The following RBM26 variants were observed in gnomAD, a reference collection of about 807,000 sequenced individuals.
RBM26 encodes the protein RNA binding motif protein 26, also known as RNA-binding protein 26.
Under a neutral mutation model 123.6 loss-of-function variants are expected in RBM26, and 30 were observed. That is an observed-to-expected ratio of 0.24 (90% CI 0.18 to 0.33). The LOEUF is 0.33. RBM26 is among the 10% of genes least tolerant of loss of function. The pLI is 1.00. For synonymous variants in RBM26, 400 were observed against 404.4 expected, an observed-to-expected ratio of 0.99 and a Z score of 0.13; for missense variants, 947 against 1,203.6, an observed-to-expected ratio of 0.79 and a Z score of 3.15.
chr13:79,389,736 T>G (rs759834587), intron 1 of RBM26: 1 of 152,206 alleles, frequency 6.6e-6, no homozygotes, highest in Non-Finnish European at 1.5e-5. Context: ...GGATTTTGCT[T>G]TTCAAGTCAA....
rs372255386 is a variant in RBM26, at chr13:79,378,835, C to T, written c.144G>A (p.Glu48=). The T allele has an allele frequency of 1.2e-6, 2 of 1,612,940 alleles. No individual in the cohort carries two copies. The highest frequency in any genetic ancestry group is 8.5e-7 in the Non-Finnish European group (1 of 1,179,026). Residue 48 remains glutamate, a synonymous_variant, in exon 2 of 22, where the codon GAG becomes GAA. Coordinates refer to ENST00000438737, the MANE Select transcript of RBM26 (RefSeq NM_001366735.2). ...GCTGATCAATACATAATGCCTTTAA[C>T]TCTTTTTCACTTTTGTCTTTCTTTA... ...ALVKKDKSEK[E]LKALCIDQLD...
In RBM26 at chr13:79,355,357, C is replaced by A. The variant is rs1157124199; in HGVS notation, c.1717G>T (p.Ala573Ser). 1.2e-6 allele frequency: 2 copies of A among 1,613,698 alleles called. No homozygotes were observed. The highest frequency in any genetic ancestry group is 1.7e-6 in the Non-Finnish European group (2 of 1,179,756). ...TCGTATGTTGCAAATTGGATTAGGG[C>A]ACCTTCAGGATCACCATTATAAGCA... ...QVAYNGDPEG[A>S]LIQFATYEEA... is the part of the protein sequence containing the mutation. Residue 573 changes from alanine to serine, a missense_variant, in exon 12 of 22, where the codon GCC (alanine) becomes TCC (serine). Around this residue, in one of 5 missense-constraint regions of RBM26, gnomAD observed 493 missense variants for 563.1 expected, o/e 0.88. Coordinates refer to ENST00000438737, the MANE Select transcript of RBM26 (RefSeq NM_001366735.2).
chr13:79,350,369 T>A (rs2073053202), intron 14 of RBM26, among the ~76,000 whole-genome samples: 1 of 152,182 alleles, frequency 6.6e-6, no homozygotes, highest in Non-Finnish European at 1.5e-5. Context: ...CAAGATAATT[T>A]GAACGGTCTT....
At chr13:79,344,394 T>C (rs949853716) in intron 15 of RBM26, 72 bp from the exon 16 acceptor site, 38 of 1,172,094 alleles carry the variant, frequency 3.2e-5, no homozygotes, top group East Asian at 2.3e-4. Flanking sequence ...AGAAGAGAAA[T>C]AGTTGTAACT....
chr13:79,397,616 A>G (rs1477836742), intron 1 of RBM26, among the ~76,000 whole-genome samples: 1 of 128,806 alleles, frequency 7.8e-6, no homozygotes, highest in East Asian at 2.6e-4. Flanking sequence ...CGGGAGGTGG[A>G]GGCTGCAGTG....
In RBM26 at chr13:79,358,390, C is replaced by T; in HGVS notation, c.1573G>A (p.Val525Ile). 6.2e-7 allele frequency: 1 copy of T among 1,611,418 alleles called. No homozygotes were observed. The highest frequency in any genetic ancestry group is 1.1e-5 in the South Asian group (1 of 90,144). The change falls in exon 11 of 22, where the codon GTT (valine) becomes ATT (isoleucine). Residue 525 changes from valine (V) to isoleucine (I), a missense_variant. By Grantham distance (29) the Val-to-Ile change is conservative. Transcript: ENST00000438737. ...TTGGTATTTTCATTTCCAAATTGAA[C>T]CTTCTTCTGAAAGCCTGGGCTGTTT... ...RTNSPGFQKK[V>I]QFGNENTKLE...
intron 3 of RBM26, among the ~76,000 whole-genome samples, chr13:79,374,237 G>A (rs1013952866): frequency 2.0e-5 from 3 of 152,148 alleles, no homozygotes; most frequent in Non-Finnish European, 4.4e-5. Flanking sequence ...TAAAGGCAGA[G>A]GTGGGTGGAT....
intron 1 of RBM26, among the ~76,000 whole-genome samples, chr13:79,392,288 AATAT>A (rs1053574826): frequency 1.4e-5 from 2 of 138,400 alleles, no homozygotes; most frequent in African/African-American, 5.3e-5. Flanking sequence ...TTATATATAA[AATAT>A]ATAATTAATT....
At chr13:79,318,756 T>A, downstream of RBM26, 3 of 979,762 alleles carry the variant, frequency 3.1e-6, no homozygotes, top group African/African-American at 5.2e-5. Context: ...CTAATCAAAT[T>A]ATAAAGCCAA....
At chr13:79,373,369 A>G (rs2076218959) in intron 3 of RBM26, among the ~76,000 whole-genome samples, 1 of 103,972 alleles carries the variant, frequency 9.6e-6, no homozygotes, top group South Asian at 2.5e-4. Flanking sequence ...ATAAATATAT[A>G]ATATATATTA....
At chr13:79,342,554 G>A (rs905168113) in intron 17 of RBM26, 110 bp downstream of exon 17, 3 of 810,872 alleles carry the variant, frequency 3.7e-6, no homozygotes, top group African/African-American at 1.8e-5. Flanking sequence ...TACATACAAT[G>A]GTCAGATTTT....
intron 6 of RBM26, among the ~76,000 whole-genome samples, chr13:79,368,313 G>A (rs921703253): frequency 1.8e-4 from 27 of 152,052 alleles, no homozygotes; most frequent in Non-Finnish European, 2.5e-4. Context: ...GGCGTGAGCC[G>A]CTGCGCCCAG....
At chr13:79,404,647 G>C (rs558295063) in intron 1 of RBM26, among the ~76,000 whole-genome samples, 17 of 152,170 alleles carry the variant, frequency 1.1e-4, no homozygotes, top group Admixed American at 8.5e-4. Context: ...CCTTTCATTT[G>C]CTCTTCCTTT....
chr13:79,404,794 C>A (rs1444230936), intron 1 of RBM26, among the ~76,000 whole-genome samples: 1 of 152,314 alleles, frequency 6.6e-6, no homozygotes, highest in East Asian at 1.9e-4. Flanking sequence ...TTACATGATT[C>A]TCTATTATTA....
rs1021158889 is a variant in RBM26 at position 79,405,882 on chromosome 13, G to T, written c.-108C>A. Reference sequence around the variant, plus strand: ...TCCGCGCGCCGCCCGCGTGGGCCGCGGTGGGAGGCGCCGGTGGCAGGTTCC... The same window carrying T: ...TCCGCGCGCCGCCCGCGTGGGCCGCTGTGGGAGGCGCCGGTGGCAGGTTCC... On this transcript the variant is annotated 5_prime_UTR_variant, in exon 1 of 22. Coordinates refer to ENST00000438737, the MANE Select transcript of RBM26 (RefSeq NM_001366735.2). 5.6e-6 allele frequency: 3 copies of T among 531,006 alleles called. No homozygotes were observed. Among genetic ancestry groups the T allele is most frequent in the East Asian group, 7.9e-5 (2 of 25,398 alleles). The allele number at this position is 531,006 out of a possible 1,614,324, so 32.9% of individuals were successfully genotyped here.
chr13:79,339,618 G>A lies in RBM26; in HGVS notation c.2532+1505C>T, dbSNP rs546936553. Among the ~76,000 whole-genome samples, 6 of 152,092 alleles carry A rather than the reference G, an allele frequency of 3.9e-5. No individual in the cohort carries two copies. The South Asian group carries it at 8.3e-4, about 21-fold the overall frequency. On this transcript the variant is annotated intron_variant, in intron 18 of 21. Coordinates refer to ENST00000438737, the MANE Select transcript of RBM26 (RefSeq NM_001366735.2). ...ATATTAGTAATAGAACAGTATATAC[G>A]GAAGTATGCTCTGAGGAATATTAAT...
At chr13:79,338,080 G>A (rs1344760250) in intron 18 of RBM26, among the ~76,000 whole-genome samples, 3 of 151,996 alleles carry the variant, frequency 2.0e-5, no homozygotes, top group Non-Finnish European at 2.9e-5. Context: ...TTAGCCAGGC[G>A]TAGTGCCTGT....
At chr13:79,372,356 T>C (rs931024067) in intron 3 of RBM26, among the ~76,000 whole-genome samples, 2 of 152,152 alleles carry the variant, frequency 1.3e-5, no homozygotes, top group African/African-American at 4.8e-5. Flanking sequence ...AACATTTAAT[T>C]AACATTAAAT....
In RBM26 at chr13:79,319,272, T is replaced by C; in HGVS notation, c.*1349A>G. The C allele has an allele frequency of 1.0e-6, 1 of 983,776 alleles. No individual in the cohort carries two copies. The highest frequency in any genetic ancestry group is 4.7e-5 in the South Asian group (1 of 21,276). 60.9% of individuals were successfully genotyped at this position (983,776 alleles called of 1,614,324 possible). A position where few individuals can be genotyped will look rare whatever the true frequency, so the allele number is the denominator to read the frequency against. ...GAAAGTAATTTTTTAAATGTGATTT[T>C]TTAATATTATCACTATAATCTCAAG... On this transcript the variant is annotated 3_prime_UTR_variant, in exon 22 of 22. Transcript: ENST00000438737.
Sources: allele counts gnomAD v4.1 joint callset (sites outside exome capture counted in the v4.1 genomes callset), GRCh38; gene constraint gnomAD v4.1.1; regional missense constraint gnomAD v4.1.1; transcripts MANE v1.5; gene names NCBI Gene and HGNC (gene_info 2026-07-23, HGNC 2026-07-21).